Variants in ABCC6 observed in about 807,000 individuals in gnomAD.
ABCC6 encodes the protein ATP binding cassette subfamily C member 6.
In ABCC6, 126 loss-of-function variants were observed where a neutral mutation model predicts 169.5. The observed-to-expected ratio is 0.74, with a 90% CI of 0.64 to 0.86. The LOEUF (loss-of-function observed/expected upper bound fraction) is 0.86, where lower values mean the gene tolerates loss of function less well. Ranked by LOEUF, ABCC6 falls within the 40% of genes least tolerant of loss-of-function variation. ABCC6 has a pLI of 0.00. For synonymous variants in ABCC6, 752 were observed against 814.7 expected (o/e 0.92, Z 1.31); for missense variants, 1,733 against 1,927.2 (o/e 0.90, Z 1.89).
intron 24 of ABCC6, among the ~76,000 whole-genome samples, chr16:16,162,171 TACTC>T (rs1302325765): frequency 6.6e-6 from 1 of 152,156 alleles, no homozygotes; most frequent in Non-Finnish European, 1.5e-5. Flanking sequence ...CTTTATAAAT[TACTC>T]AGTCTCAGGT....
intron 9 of ABCC6, among the ~76,000 whole-genome samples, chr16:16,198,528 A>G (rs1285357540): frequency 2.0e-5 from 3 of 152,058 alleles, no homozygotes; most frequent in Non-Finnish European, 4.4e-5. Context: ...CATGAATGGT[A>G]CCAAGCAGGC....
chr16:16,152,049 G>A (rs1033315396), intron 29 of ABCC6, among the ~76,000 whole-genome samples: 7 of 151,752 alleles, frequency 4.6e-5, no homozygotes, highest in African/African-American at 4.8e-5. Flanking sequence ...AAAATTAGCC[G>A]GGCGTGGTGG....
rs372140822 is a variant in ABCC6 at position 16,178,028 on chromosome 16, GA to G, written c.2416-403del. ...GGAAAGAGAGAGAGAGAGAAAGAAA[GA>G]AAAAAAAAATGTACGGCCGAGCGCA... is the stretch of plus-strand genomic sequence containing the variant. On this transcript the variant is annotated intron_variant, in intron 18 of 30. Transcript: ENST00000205557. Among the ~76,000 whole-genome samples the G allele has an allele frequency of 3.6e-3, 524 of 145,368 alleles. 4 individuals carry two copies. The highest frequency in any genetic ancestry group is 0.011 in the African/African-American group (437 of 39,696).
chr16:16,187,949 C>T (rs1005643193), intron 13 of ABCC6, among the ~76,000 whole-genome samples: 18 of 145,652 alleles, frequency 1.2e-4, no homozygotes, highest in Admixed American at 3.4e-4. Flanking sequence ...ATAAATAAGG[C>T]GGCCAGGCGC....
chr16:16,150,357 G>A, intron 30 of ABCC6, 116 bp from the exon 31 acceptor site: 1 of 1,551,276 alleles, frequency 6.4e-7, no homozygotes, highest in Non-Finnish European at 8.7e-7. Context: ...TGCTTTCCAT[G>A]CGGCTCCCTG....
chr16:16,173,200 C>T, intron 21 of ABCC6, 84 bp downstream of exon 21: 1 of 1,591,606 alleles, frequency 6.3e-7, no homozygotes, highest in Non-Finnish European at 8.6e-7. Flanking sequence ...AGTATCACTG[C>T]CAAGTGCTAC....
At chr16:16,200,626 G>A (rs1295459933) in intron 9 of ABCC6, among the ~76,000 whole-genome samples, 13 of 136,302 alleles carry the variant, frequency 9.5e-5, no homozygotes, top group Admixed American at 5.5e-4. Context: ...GCATGCTCAG[G>A]GGAACAGGAG....
At chr16:16,167,797 C>T (rs937245893) in intron 22 of ABCC6, among the ~76,000 whole-genome samples, 13 of 152,184 alleles carry the variant, frequency 8.5e-5, no homozygotes, top group African/African-American at 2.7e-4. Flanking sequence ...TCTTTGTATT[C>T]GAGAGTCATA....
Position 16,185,857 on chromosome 16 carries a change from G to A in ABCC6, c.1868-823C>T, listed in dbSNP as rs9932823. Among the ~76,000 whole-genome samples, 835 of 152,276 alleles carry A rather than the reference G, an allele frequency of 5.5e-3. 4 individuals are homozygous for A. Among genetic ancestry groups the A allele is most frequent in the African/African-American group, 0.019 (810 of 41,556 alleles). ...GATAACAAGTGTAATTAGATTAGTG[G>A]TTCTTGATCCTTAAGACGTAGTTAG... is the stretch of plus-strand genomic sequence containing the variant. On this transcript the variant is annotated intron_variant, in intron 14 of 30. Transcript: ENST00000205557.
chr16:16,182,769 G>A, intron 16 of ABCC6, 35 bp downstream of exon 16: 1 of 1,613,244 alleles, frequency 6.2e-7, no homozygotes. Flanking sequence ...TTCAGGATGG[G>A]GACATCCTAG....
In ABCC6 at chr16:16,163,092, A is replaced by G; in HGVS notation, c.3407T>C (p.Val1136Ala). 6.2e-7 allele frequency: 1 copy of G among 1,613,880 alleles called. No homozygotes were observed. The highest frequency in any genetic ancestry group is 8.5e-7 in the Non-Finnish European group (1 of 1,180,018). Residue 1136 changes from valine to alanine, a missense_variant, in exon 24 of 31, where the codon GTG becomes GCG. Val to Ala is a moderately conservative substitution (Grantham distance 64, BLOSUM62 0). Around this residue, in one of 5 missense-constraint regions of ABCC6, gnomAD observed 1,601 missense variants for 1,635.5 expected, o/e 0.98. Coordinates refer to ENST00000205557, the MANE Select transcript of ABCC6 (RefSeq NM_001171.6). ...HMAETFQGSTVVRAFRTQAPF... is the reference protein window; with the variant it reads ...HMAETFQGSTAVRAFRTQAPF... ...GGCCTGGGTTCGGAATGCCCGGACC[A>G]CTGTGCTGCCCTGGAACGTCTCAGC...
Position 16,154,635 on chromosome 16 carries a change from C to A in ABCC6, c.4201G>T (p.Asp1401Tyr), listed in dbSNP as rs772015821. Reference sequence around the variant, plus strand: ...ATGGTGGGACGACCATACCTCAGGTCCTCGCCTCGGTCAGCACACTTGTAC... The same window carrying A: ...ATGGTGGGACGACCATACCTCAGGTACTCGCCTCGGTCAGCACACTTGTAC... Reference protein sequence around the residue: ...LQYKCADRGEDLSVGQKQLLC... With the variant: ...LQYKCADRGEYLSVGQKQLLC... The change falls in exon 29 of 31, where the codon GAC becomes TAC. Residue 1401 changes from aspartate (D) to tyrosine (Y), a missense_variant. Asp to Tyr is a radical substitution (Grantham distance 160). Transcript: ENST00000205557. 6.2e-7 allele frequency: 1 copy of A among 1,612,164 alleles called. No homozygotes were observed. The highest frequency in any genetic ancestry group is 1.7e-5 in the Admixed American group (1 of 60,014).
chr16:16,198,521 G>A (rs1423534231), intron 9 of ABCC6, among the ~76,000 whole-genome samples: 2 of 152,108 alleles, frequency 1.3e-5, no homozygotes, highest in African/African-American at 2.4e-5. Context: ...TCACAGCCAT[G>A]AATGGTACCA....
At chr16:16,214,184 C>T in intron 5 of ABCC6, 140 bp downstream of exon 5, 2 of 1,496,140 alleles carry the variant, frequency 1.3e-6, no homozygotes, top group African/African-American at 1.4e-5. Flanking sequence ...AAAAGTCTGC[C>T]AACTGTGGCA....
intron 13 of ABCC6, among the ~76,000 whole-genome samples, chr16:16,187,472 G>A (rs2047686537): frequency 6.6e-6 from 1 of 152,220 alleles, no homozygotes; most frequent in African/African-American, 2.4e-5. Context: ...CAAGATCTGG[G>A]AAGAGGATGG....
At chr16:16,190,024 C>T (rs1414741387) in intron 12 of ABCC6, 140 bp downstream of exon 12, 2 of 860,130 alleles carry the variant, frequency 2.3e-6, no homozygotes, top group East Asian at 5.1e-5. Context: ...CAGCAGGGAC[C>T]CAGAGAGAAC....
chr16:16,151,360 C>G (rs1363209012), intron 29 of ABCC6, among the ~76,000 whole-genome samples: 2 of 152,164 alleles, frequency 1.3e-5, no homozygotes, highest in South Asian at 4.1e-4. Context: ...CCCGGTAGTT[C>G]TATTTCTAGT....
At chr16:16,152,146 TCGCGCCAC>T (rs1386020541) in intron 29 of ABCC6, among the ~76,000 whole-genome samples, 1 of 127,778 alleles carries the variant, frequency 7.8e-6, no homozygotes, top group Non-Finnish European at 1.5e-5. Context: ...TGAGCCAAGA[TCGCGCCAC>T]TGCACTCCAG....
intron 7 of ABCC6, among the ~76,000 whole-genome samples, chr16:16,204,826 CT>C (rs1344027465): frequency 2.7e-5 from 4 of 149,880 alleles, no homozygotes; most frequent in Non-Finnish European, 5.9e-5. Context: ...ATTTCTTTTT[CT>C]TTTTCTTTTC....
Sources: allele counts gnomAD v4.1 joint callset (sites outside exome capture counted in the v4.1 genomes callset), GRCh38; gene constraint gnomAD v4.1.1; regional missense constraint gnomAD v4.1.1; transcripts MANE v1.5; gene names NCBI Gene and HGNC (gene_info 2026-07-23, HGNC 2026-07-21).